Variants in DGKI observed in about 807,000 individuals in gnomAD.
The protein encoded by DGKI is diacylglycerol kinase iota, also known as DAG kinase iota.
In DGKI, 55 loss-of-function variants were observed where a neutral mutation model predicts 147.5. That is an observed-to-expected ratio of 0.37 (90% CI 0.30 to 0.47). The LOEUF is 0.47. DGKI is among the 20% of genes least tolerant of loss of function. DGKI has a pLI of 1.00. For synonymous variants in DGKI, 469 were observed against 477.1 expected (o/e 0.98, Z 0.22); for missense variants, 1,007 against 1,323.8 (o/e 0.76, Z 3.71).
chr7:137,593,218 G>C (rs1819674804), intron 12 of DGKI, among the ~76,000 whole-genome samples: 1 of 152,146 alleles, frequency 6.6e-6, no homozygotes, highest in Non-Finnish European at 1.5e-5. Flanking sequence ...GTTCACCAAA[G>C]TCAGGAGCCA....
At chr7:137,455,737 T>G (rs1327932127) in intron 27 of DGKI, among the ~76,000 whole-genome samples, 1 of 150,716 alleles carries the variant, frequency 6.6e-6, no homozygotes, top group Admixed American at 6.6e-5. Flanking sequence ...CTTCTTAGAG[T>G]AGGGGGTTCA....
intron 1 of DGKI, among the ~76,000 whole-genome samples, chr7:137,778,296 T>A (rs1796418976): frequency 6.6e-6 from 1 of 152,056 alleles, no homozygotes; most frequent in Non-Finnish European, 1.5e-5. Flanking sequence ...GGGAAGGGTG[T>A]GTCTAGGAAA....
intron 1 of DGKI, among the ~76,000 whole-genome samples, chr7:137,696,238 T>C (rs1027472923): frequency 1.3e-5 from 2 of 152,152 alleles, no homozygotes; most frequent in Non-Finnish European, 2.9e-5. Flanking sequence ...TTCTAGTCAG[T>C]AAATAATTCC....
intron 27 of DGKI, among the ~76,000 whole-genome samples, chr7:137,454,462 T>A (rs973531706): frequency 2.0e-4 from 31 of 152,106 alleles, no homozygotes; most frequent in Non-Finnish European, 1.5e-5. Flanking sequence ...TGAGGAAGAA[T>A]GGGCGACAGT....
At chr7:137,769,463 C>T (rs774611480) in intron 1 of DGKI, among the ~76,000 whole-genome samples, 7 of 152,088 alleles carry the variant, frequency 4.6e-5, no homozygotes, top group African/African-American at 1.7e-4. Flanking sequence ...CAACAAAAGC[C>T]AAAATTGACA....
intron 8 of DGKI, among the ~76,000 whole-genome samples, chr7:137,610,240 TTC>T (rs1489973057): frequency 6.6e-6 from 1 of 152,148 alleles, no homozygotes; most frequent in African/African-American, 2.4e-5. Flanking sequence ...TGTTCTTTCT[TTC>T]TCTGTCTAAA....
At chr7:137,513,139 C>T (rs1198733611) in intron 21 of DGKI, among the ~76,000 whole-genome samples, 2 of 152,296 alleles carry the variant, frequency 1.3e-5, no homozygotes, top group South Asian at 4.1e-4. Flanking sequence ...AGTAAGCTTG[C>T]TTCTTCTTTT....
intron 1 of DGKI, among the ~76,000 whole-genome samples, chr7:137,754,571 C>T (rs1413031653): frequency 6.6e-6 from 1 of 152,210 alleles, no homozygotes; most frequent in Admixed American, 6.5e-5. Flanking sequence ...ACCCCCTCAT[C>T]TCTCACCTCA....
At chr7:137,720,719 G>A (rs1286162684) in intron 1 of DGKI, among the ~76,000 whole-genome samples, 1 of 152,058 alleles carries the variant, frequency 6.6e-6, no homozygotes, top group Non-Finnish European at 1.5e-5. Context: ...TGTTTCAATG[G>A]AAAGGTAATT....
intron 23 of DGKI, among the ~76,000 whole-genome samples, chr7:137,479,508 T>C (rs1815295911): frequency 6.6e-6 from 1 of 152,182 alleles, no homozygotes; most frequent in African/African-American, 2.4e-5. Flanking sequence ...GGCATGCATA[T>C]GCCAAAGTTA....
chr7:137,700,865 C>T (rs991374455), intron 1 of DGKI, among the ~76,000 whole-genome samples: 13 of 151,136 alleles, frequency 8.6e-5, no homozygotes, highest in Admixed American at 1.3e-4. Context: ...GCGACAAGAG[C>T]GAAGCTCCGT....
At chr7:137,672,092 G>C (rs888230187) in intron 3 of DGKI, among the ~76,000 whole-genome samples, 43 of 152,108 alleles carry the variant, frequency 2.8e-4, no homozygotes, top group Non-Finnish European at 1.8e-4. Context: ...CCCAGCTTCT[G>C]ACACCAACCT....
At chr7:137,484,815 T>C (rs1173769046) in intron 23 of DGKI, among the ~76,000 whole-genome samples, 1 of 152,038 alleles carries the variant, frequency 6.6e-6, no homozygotes, top group Admixed American at 6.6e-5. Context: ...GATGAACCAC[T>C]CAGATTACAT....
chr7:137,569,121 G>A (rs1209691172), intron 19 of DGKI, among the ~76,000 whole-genome samples: 1 of 152,148 alleles, frequency 6.6e-6, no homozygotes, highest in Non-Finnish European at 1.5e-5. Context: ...AGAAAGCAAA[G>A]ATGAGAGCAG....
chr7:137,732,655 T>C (rs1563171895), intron 1 of DGKI, among the ~76,000 whole-genome samples: 1 of 152,048 alleles, frequency 6.6e-6, no homozygotes, highest in Non-Finnish European at 1.5e-5. Context: ...GCCACAACTT[T>C]GGCTATTTGG....
chr7:137,464,256 C>CAAAAA, intron 26 of DGKI, among the ~76,000 whole-genome samples: 1 of 47,774 alleles, frequency 2.1e-5, no homozygotes, highest in Non-Finnish European at 7.1e-5. Flanking sequence ...GACTCCATCT[C>CAAAAA]AAAAAAAAAA....
chr7:137,486,520 T>C (rs1214797562), intron 22 of DGKI, among the ~76,000 whole-genome samples: 1 of 152,158 alleles, frequency 6.6e-6, no homozygotes, highest in East Asian at 1.9e-4. Context: ...AAAATTCACG[T>C]ATTTTAACTT....
At chr7:137,558,702 C>A (rs1282612483) in intron 19 of DGKI, among the ~76,000 whole-genome samples, 1 of 124,430 alleles carries the variant, frequency 8.0e-6, no homozygotes, top group Non-Finnish European at 1.6e-5. Context: ...TCGATAAATT[C>A]AGTTTCCTCA....
chr7:137,708,821 G>C (rs888780880), intron 1 of DGKI, among the ~76,000 whole-genome samples: 5 of 152,290 alleles, frequency 3.3e-5, no homozygotes, highest in Non-Finnish European at 5.9e-5. Context: ...ATGTTGATAG[G>C]GAAAGGCTAC....
Sources: gnomAD v4.1 joint callset for allele counts (sites outside exome capture counted in the v4.1 genomes callset) on GRCh38, gnomAD v4.1.1 for gene constraint, MANE v1.5 for transcripts, NCBI Gene and HGNC (gene_info 2026-07-23, HGNC 2026-07-21) for gene names.